KLRK1: variants seen among roughly 807,000 people sequenced by gnomAD.
KLRK1 encodes the protein killer cell lectin like receptor K1, also known as NKG2-D type II integral membrane protein.
In KLRK1, 40 loss-of-function variants were observed where a neutral mutation model predicts 31.3. The observed-to-expected ratio is 1.28, with a 90% CI of 0.99 to 1.67. The LOEUF (loss-of-function observed/expected upper bound fraction) is 1.67, where lower values mean the gene tolerates loss of function less well. KLRK1 is among the 40% of genes most tolerant of loss of function. KLRK1 has a pLI of 0.00. For missense variants in KLRK1, 251 were observed against 260.0 expected, an observed-to-expected ratio of 0.97 and a Z score of 0.24; for synonymous variants, 77 against 77.3, an observed-to-expected ratio of 1.00 and a Z score of 0.02.
At chr12:10,376,569 AAAAG>A (rs1240912616) in intron 7 of KLRK1, among the ~76,000 whole-genome samples, 3 of 152,276 alleles carry the variant, frequency 2.0e-5, no homozygotes, top group South Asian at 4.1e-4. Flanking sequence ...TTATTAGAAA[AAAAG>A]GTTTCAAATC....
chr12:10,382,421 C>A (rs1157635451), intron 3 of KLRK1, among the ~76,000 whole-genome samples: 1 of 152,022 alleles, frequency 6.6e-6, no homozygotes, highest in Non-Finnish European at 1.5e-5. Context: ...ACTTTATAGG[C>A]CAAGAGGAAG....
intron 3 of KLRK1, among the ~76,000 whole-genome samples, chr12:10,381,209 C>T (rs549017464): frequency 5.3e-5 from 8 of 151,806 alleles, no homozygotes; most frequent in South Asian, 4.2e-4. Flanking sequence ...ATCCCACTTT[C>T]TCCAGCAGCA....
At chr12:10,377,708 G>C (rs1462458223) in intron 7 of KLRK1, among the ~76,000 whole-genome samples, 1 of 152,098 alleles carries the variant, frequency 6.6e-6, no homozygotes, top group Non-Finnish European at 1.5e-5. Context: ...TAACTATCTT[G>C]ATGTTCTTTA....
chr12:10,388,125 G>T (rs1316172107), intron 2 of KLRK1, among the ~76,000 whole-genome samples: 2 of 151,938 alleles, frequency 1.3e-5, no homozygotes, highest in Non-Finnish European at 2.9e-5. Context: ...ATGATAATAT[G>T]AATTATATTT....
intron 3 of KLRK1, among the ~76,000 whole-genome samples, chr12:10,380,609 G>A (rs1863057229): frequency 6.6e-6 from 1 of 152,088 alleles, no homozygotes; most frequent in Admixed American, 6.5e-5. Context: ...CAGGTGACAT[G>A]GATCAGCTTG....
Position 10,372,663 on chromosome 12 carries a change from AGC to A in KLRK1, c.*449_*450del. 5.2e-6 allele frequency: 1 copy of A among 191,648 alleles called. No homozygotes were observed. Among genetic ancestry groups the A allele is most frequent in the Non-Finnish European group, 1.0e-5 (1 of 95,334 alleles). 11.9% of individuals were successfully genotyped at this position (191,648 alleles called of 1,614,324 possible). On this transcript the variant is annotated 3_prime_UTR_variant, in exon 8 of 8. Transcript: ENST00000240618. ...GGGTGGAGGACCCATTAAAAGTGGC[AGC>A]ATGACCCCCACAGGCAGGGAAGGCA...
chr12:10,383,256 A>T (rs1408989885), intron 3 of KLRK1, among the ~76,000 whole-genome samples: 1 of 152,144 alleles, frequency 6.6e-6, no homozygotes, highest in African/African-American at 2.4e-5. Context: ...TGCCTACAAG[A>T]AACCCACTTT....
chr12:10,376,821 A>ATTTG (rs1345046238), intron 7 of KLRK1, among the ~76,000 whole-genome samples: 1 of 151,612 alleles, frequency 6.6e-6, no homozygotes, highest in Admixed American at 6.6e-5. Flanking sequence ...TTATTTATTT[A>ATTTG]TTTATTTATT....
intron 5 of KLRK1, 175 bp from the exon 6 acceptor site, chr12:10,378,880 G>A: frequency 5.5e-6 from 4 of 733,426 alleles, no homozygotes; most frequent in East Asian, 3.3e-5. Flanking sequence ...CAGGCTGGGT[G>A]TGGTGTCTCA....
At chr12:10,388,562 A>C (rs945504476) in intron 2 of KLRK1, among the ~76,000 whole-genome samples, 4 of 152,222 alleles carry the variant, frequency 2.6e-5, no homozygotes, top group African/African-American at 9.6e-5. Context: ...TTACCATAAT[A>C]TAGTTAATAA....
chr12:10,380,234 G>T (rs2733848), intron 3 of KLRK1, among the ~76,000 whole-genome samples: 113,238 of 151,594 alleles, frequency 0.75, 43,148 homozygotes, highest in South Asian at 0.88. Context: ...CCCAGCTAAT[G>T]TTCTGTATTT....
intron 5 of KLRK1, 118 bp downstream of exon 5, chr12:10,379,329 G>T (rs1480878090): frequency 4.4e-6 from 2 of 451,584 alleles, no homozygotes; most frequent in Non-Finnish European, 7.3e-6. Context: ...AAGCCATAGT[G>T]TATTACAGAC....
Position 10,372,658 on chromosome 12 carries a change from G to A in KLRK1, c.*456C>T. 5.2e-6 allele frequency: 1 copy of A among 191,088 alleles called. No homozygotes were observed. Among genetic ancestry groups the A allele is most frequent in the South Asian group, 1.0e-4 (1 of 9,758 alleles). The allele number at this position is 191,088 out of a possible 1,614,324, so 11.8% of individuals were successfully genotyped here. On this transcript the variant is annotated 3_prime_UTR_variant, in exon 8 of 8. Coordinates refer to ENST00000240618, the MANE Select transcript of KLRK1 (RefSeq NM_007360.4). Reference sequence around the variant, plus strand: ...CCGTTGGGTGGAGGACCCATTAAAAGTGGCAGCATGACCCCCACAGGCAGG... The same window carrying A: ...CCGTTGGGTGGAGGACCCATTAAAAATGGCAGCATGACCCCCACAGGCAGG...
chr12:10,379,964 T>G (rs1863039979), intron 3 of KLRK1, 172 bp from the exon 4 acceptor site: 1 of 455,326 alleles, frequency 2.2e-6, no homozygotes, highest in African/African-American at 2.0e-5. Flanking sequence ...GATCAAAAAC[T>G]AGAGTACAAC....
intron 7 of KLRK1, among the ~76,000 whole-genome samples, chr12:10,377,339 G>A (rs1490195083): frequency 4.6e-5 from 7 of 152,098 alleles, no homozygotes; most frequent in South Asian, 2.1e-4. Flanking sequence ...GAAAGATTTC[G>A]TTAATATGAT....
intron 3 of KLRK1, 110 bp from the exon 4 acceptor site, chr12:10,379,902 T>C: frequency 4.3e-6 from 4 of 934,032 alleles, no homozygotes; most frequent in Non-Finnish European, 6.0e-6. Context: ...GTATTGATCC[T>C]TTTTCTGCCT....
intron 2 of KLRK1, among the ~76,000 whole-genome samples, chr12:10,388,051 G>A (rs184929793): frequency 6.6e-6 from 1 of 151,698 alleles, no homozygotes; most frequent in East Asian, 1.9e-4. Context: ...TGCATGCGAA[G>A]GTTTGTTACA....
At chr12:10,385,680 T>C (rs1863155414) in intron 3 of KLRK1, among the ~76,000 whole-genome samples, 1 of 152,004 alleles carries the variant, frequency 6.6e-6, no homozygotes, top group South Asian at 2.1e-4. Context: ...GGGATTTTTC[T>C]AGTGTTCTAT....
chr12:10,382,712 G>C (rs578154622), intron 3 of KLRK1, among the ~76,000 whole-genome samples: 1 of 152,272 alleles, frequency 6.6e-6, no homozygotes, highest in African/African-American at 2.4e-5. Flanking sequence ...TACTGTAATT[G>C]TGGTGCCTCA....
Sources: gnomAD v4.1 joint callset for allele counts (sites outside exome capture counted in the v4.1 genomes callset) on GRCh38, gnomAD v4.1.1 for gene constraint, MANE v1.5 for transcripts, NCBI Gene and HGNC (gene_info 2026-07-23, HGNC 2026-07-21) for gene names.